FNIP2: variants seen among roughly 807,000 people sequenced by gnomAD.
The protein encoded by FNIP2 is folliculin interacting protein 2.
FNIP2 carries 32 observed loss-of-function variants against 108.7 expected under a neutral mutation model. The ratio of observed to expected loss-of-function variants is 0.29; its 90% confidence interval spans 0.22 to 0.40. The LOEUF is 0.40. Ranked by LOEUF, FNIP2 falls within the 10% of genes least tolerant of loss-of-function variation. The probability of loss-of-function intolerance (pLI) is 1.00; values close to 1 mark genes in which losing one functional copy is unlikely to be tolerated. For synonymous variants in FNIP2, 480 were observed against 496.7 expected, an observed-to-expected ratio of 0.97 and a Z score of 0.45; for missense variants, 1,202 against 1,381.6, an observed-to-expected ratio of 0.87 and a Z score of 2.06.
intron 1 of FNIP2, among the ~76,000 whole-genome samples, chr4:158,784,669 G>A (rs548750890): frequency 3.3e-5 from 5 of 152,194 alleles, no homozygotes; most frequent in East Asian, 3.9e-4. Context: ...CCTCGCGTGC[G>A]CAGTTCATAA....
intron 16 of FNIP2, among the ~76,000 whole-genome samples, chr4:158,896,654 G>A (rs960538712): frequency 1.3e-5 from 2 of 151,988 alleles, no homozygotes; most frequent in Non-Finnish European, 2.9e-5. Flanking sequence ...AGAATGTGAC[G>A]CCTGTGTTGT....
At chr4:158,875,528 ATATATATATATATG>A (rs1356741870) in intron 14 of FNIP2, among the ~76,000 whole-genome samples, 1 of 140,260 alleles carries the variant, frequency 7.1e-6, no homozygotes, top group Admixed American at 6.9e-5. Context: ...ATATATATAT[ATATATATATATATG>A]CTCATGAATA....
intron 14 of FNIP2, among the ~76,000 whole-genome samples, chr4:158,881,393 C>T (rs567502936): frequency 1.4e-4 from 19 of 135,814 alleles, no homozygotes; most frequent in African/African-American, 4.8e-4. Context: ...CTCTCCCTCT[C>T]TCTCTCTTTC....
intron 1 of FNIP2, among the ~76,000 whole-genome samples, chr4:158,815,599 C>T (rs1777523888): frequency 6.6e-6 from 1 of 152,002 alleles, no homozygotes; most frequent in Non-Finnish European, 1.5e-5. Context: ...CTCCTGACCT[C>T]GTGATCCGCC....
rs1453441651 is a variant in FNIP2 at position 158,825,934 on chromosome 4, T to C, written c.126T>C (p.Phe42=). The change falls in exon 2 of 17, where the codon TTT becomes TTC. Residue 42 remains phenylalanine, a synonymous_variant. Coordinates refer to ENST00000264433, the MANE Select transcript of FNIP2 (RefSeq NM_020840.3). ...TCCACAGTTGGTCATGTTCGGAGTT[T>C]GACCTGAATGAGATTCGCCTGATAG... The part of the protein sequence containing the change: ...GPAFSWSCSE[F]DLNEIRLIVY... 1.2e-6 allele frequency: 2 copies of C among 1,607,600 alleles called. No individual in the cohort carries two copies. The highest frequency in any genetic ancestry group is 2.2e-5 in the South Asian group (2 of 91,006).
intron 1 of FNIP2, among the ~76,000 whole-genome samples, chr4:158,804,584 C>T (rs576778613): frequency 6.6e-6 from 1 of 152,000 alleles, no homozygotes; most frequent in South Asian, 2.1e-4. Flanking sequence ...GGCTCATTTT[C>T]TAATTTTTTG....
At chr4:158,893,743 A>C (rs1302161695) in intron 15 of FNIP2, 1 of 1,515,662 alleles carries the variant, frequency 6.6e-7, no homozygotes, top group Admixed American at 1.9e-5. Context: ...TGTATATTAG[A>C]CTTCATAGTT....
chr4:158,883,800 C>T (rs1157036587), intron 14 of FNIP2, among the ~76,000 whole-genome samples: 3 of 152,142 alleles, frequency 2.0e-5, no homozygotes, highest in African/African-American at 4.8e-5. Flanking sequence ...TAAATTCAGA[C>T]CATCATTCAC....
intron 1 of FNIP2, among the ~76,000 whole-genome samples, chr4:158,797,138 G>A (rs944753792): frequency 2.6e-5 from 4 of 152,170 alleles, no homozygotes; most frequent in Non-Finnish European, 4.4e-5. Flanking sequence ...CACTTTAAGA[G>A]TCTTTCTGAC....
At chr4:158,895,641 A>T in intron 15 of FNIP2, 109 bp from the exon 16 acceptor site, 1 of 681,580 alleles carries the variant, frequency 1.5e-6, no homozygotes, top group South Asian at 1.7e-5. Flanking sequence ...TTTGAAACTG[A>T]TGAGATAAAA....
chr4:158,782,965 C>G (rs1169014614), intron 1 of FNIP2, among the ~76,000 whole-genome samples: 1 of 152,186 alleles, frequency 6.6e-6, no homozygotes, highest in Admixed American at 6.5e-5. Context: ...ATTTGTTCAT[C>G]ATTTTGTCTT....
intron 8 of FNIP2, 110 bp downstream of exon 8, chr4:158,851,560 T>C (rs1363396476): frequency 4.5e-5 from 59 of 1,303,666 alleles, no homozygotes; most frequent in Non-Finnish European, 6.1e-5. Flanking sequence ...ACCAAAACTT[T>C]TTTATTAGCT....
chr4:158,853,523 C>A (rs1467803622), intron 8 of FNIP2, among the ~76,000 whole-genome samples: 1 of 152,188 alleles, frequency 6.6e-6, no homozygotes, highest in African/African-American at 2.4e-5. Flanking sequence ...CTATCCCTCC[C>A]CCATCCCCCT....
intron 1 of FNIP2, among the ~76,000 whole-genome samples, chr4:158,822,015 G>C (rs985494787): frequency 1.3e-5 from 2 of 152,006 alleles, no homozygotes; most frequent in Non-Finnish European, 2.9e-5. Context: ...TCTTGAGCAG[G>C]AGGTTGAGGC....
intron 14 of FNIP2, among the ~76,000 whole-genome samples, chr4:158,883,530 C>T (rs1437324775): frequency 6.6e-6 from 1 of 152,214 alleles, no homozygotes; most frequent in Admixed American, 6.5e-5. Flanking sequence ...CGTGAGCCAT[C>T]GCGCCCAGCC....
chr4:158,806,275 A>C, intron 1 of FNIP2: 1 of 1,289,378 alleles, frequency 7.8e-7, no homozygotes, highest in Non-Finnish European at 1.0e-6. Context: ...GAACACCACA[A>C]ACCAGCCAGA....
At chr4:158,834,440 A>G (rs1017134344) in intron 6 of FNIP2, 3 of 152,086 alleles carry the variant, frequency 2.0e-5, no homozygotes, top group Middle Eastern at 3.2e-3. Flanking sequence ...AGGAACCTCC[A>G]TTACTAACAT....
At chr4:158,903,110 A>T (rs1193083236) in intron 16 of FNIP2, among the ~76,000 whole-genome samples, 1 of 152,178 alleles carries the variant, frequency 6.6e-6, no homozygotes, top group Admixed American at 6.5e-5. Context: ...CAGGGCCCTG[A>T]TTGTGTACAC....
chr4:158,774,205 T>A (rs1775786850), intron 1 of FNIP2, among the ~76,000 whole-genome samples: 1 of 152,210 alleles, frequency 6.6e-6, no homozygotes, highest in East Asian at 1.9e-4. Context: ...ATTATGCATG[T>A]GCAGAATAGG....
Sources: allele counts gnomAD v4.1 joint callset (sites outside exome capture counted in the v4.1 genomes callset), GRCh38; gene constraint gnomAD v4.1.1; transcripts MANE v1.5; gene names NCBI Gene and HGNC (gene_info 2026-07-23, HGNC 2026-07-21).